ARSH: variants seen among roughly 807,000 people sequenced by gnomAD.
ARSH encodes arylsulfatase family member H.
ARSH carries 32 observed loss-of-function variants against 28.7 expected under a neutral mutation model. The observed-to-expected ratio is 1.11, with a 90% CI of 0.84 to 1.50. The LOEUF (loss-of-function observed/expected upper bound fraction) is 1.50, where lower values mean the gene tolerates loss of function less well. Ranked by LOEUF, ARSH falls within the 40% of genes most tolerant of loss-of-function variation. The probability of loss-of-function intolerance (pLI) is 0.00; values close to 1 mark genes in which losing one functional copy is unlikely to be tolerated. For missense variants in ARSH, 440 were observed against 452.4 expected (o/e 0.97, Z 0.25); for synonymous variants, 176 against 177.3 (o/e 0.99, Z 0.06).
intron 7 of ARSH, among the ~76,000 whole-genome samples, chrX:3,027,926 AC>A (rs2089903371): frequency 1.8e-5 from 2 of 110,098 alleles, no homozygotes; most frequent in Non-Finnish European, 1.9e-5. Flanking sequence ...ACATGGTGAA[AC>A]CCCCATCTCT....
intron 4 of ARSH, 129 bp from the exon 5 acceptor site, chrX:3,018,405 G>A (rs2089871678): frequency 1.7e-6 from 1 of 585,902 alleles, no homozygotes; most frequent in African/African-American, 2.3e-5. Context: ...GAGTGGTATT[G>A]TCATCTAAAG....
At chrX:3,026,258 C>A (rs5982985) in intron 6 of ARSH, among the ~76,000 whole-genome samples, 1 of 110,234 alleles carries the variant, frequency 9.1e-6, no homozygotes, top group Non-Finnish European at 1.9e-5. Flanking sequence ...GCTATGATTG[C>A]GCCACTGCAC....
Position 3,018,688 on chromosome X carries a change from G to A in ARSH, c.901+18G>A, listed in dbSNP as rs768492345. On this transcript the variant is annotated intron_variant, in intron 5 of 8. Coordinates refer to ENST00000381130, the MANE Select transcript of ARSH (RefSeq NM_001011719.2). ...GATGGTGGGTAAGTATTCAGTAACAGAACTGTAAATATCTGAAGTACGGGC... is the reference window on the plus strand; with the variant it reads ...GATGGTGGGTAAGTATTCAGTAACAAAACTGTAAATATCTGAAGTACGGGC... 8.3e-7 allele frequency: 1 copy of A among 1,205,731 alleles called. No individual in the cohort carries two copies. The highest frequency in any genetic ancestry group is 1.8e-5 in the South Asian group (1 of 56,330).
chrX:3,016,565 C>G (rs1474143038), intron 4 of ARSH, among the ~76,000 whole-genome samples: 1 of 110,287 alleles, frequency 9.1e-6, no homozygotes, highest in African/African-American at 3.3e-5. Flanking sequence ...CAGCTCACTC[C>G]TACGTTACAA....
At chrX:3,032,239 T>C (rs1240733798) in intron 8 of ARSH, among the ~76,000 whole-genome samples, 1 of 110,232 alleles carries the variant, frequency 9.1e-6, no homozygotes, top group African/African-American at 3.3e-5. Flanking sequence ...AGCTGAGATG[T>C]TGCCACTGCA....
intron 1 of ARSH, among the ~76,000 whole-genome samples, chrX:3,007,247 TAAAA>T (rs60947162): frequency 9.8e-5 from 9 of 92,291 alleles, no homozygotes; most frequent in African/African-American, 3.2e-4. Flanking sequence ...AGACTCTGTT[TAAAA>T]AAAAAAAAAA....
chrX:3,026,667 G>A (rs2089899531), intron 6 of ARSH, among the ~76,000 whole-genome samples: 1 of 111,267 alleles, frequency 9.0e-6, no homozygotes, highest in South Asian at 3.8e-4. Flanking sequence ...TTTGTTTTGT[G>A]CTCAGAAACA....
chrX:3,014,537 G>A (rs746154190), intron 3 of ARSH, among the ~76,000 whole-genome samples: 5 of 111,058 alleles, frequency 4.5e-5, no homozygotes, highest in Middle Eastern at 4.6e-3. Context: ...TAAGAGGGTC[G>A]GAAGGCACTG....
At chrX:3,028,414 T>A in intron 7 of ARSH, among the ~76,000 whole-genome samples, 1 of 108,990 alleles carries the variant, frequency 9.2e-6, no homozygotes, top group East Asian at 3.0e-4. Context: ...TTTCAGCATG[T>A]TGGCCAGGAT....
At chrX:3,012,264 A>G (rs1276592149) in intron 2 of ARSH, among the ~76,000 whole-genome samples, 4 of 108,436 alleles carry the variant, frequency 3.7e-5, no homozygotes, top group Non-Finnish European at 7.6e-5. Context: ...GAGGCCAGGC[A>G]CGGTGGCTCA....
At chrX:3,008,706 C>A (rs2147451131) in intron 1 of ARSH, among the ~76,000 whole-genome samples, 1 of 103,457 alleles carries the variant, frequency 9.7e-6, no homozygotes, top group South Asian at 4.7e-4. Flanking sequence ...TGAGCCCCCA[C>A]ACCTGCCTAA....
rs200556440 is a variant in ARSH at position 3,029,252 on chromosome X, T to C, written c.1205T>C (p.Ile402Thr). The C allele has an allele frequency of 1.7e-6, 2 of 1,210,177 alleles. No individual in the cohort carries two copies. The highest frequency in any genetic ancestry group is 1.1e-6 in the Non-Finnish European group (1 of 894,947). The change falls in exon 8 of 9, where the codon ATT becomes ACT. Residue 402 changes from isoleucine (I) to threonine (T), a missense_variant. Coordinates refer to ENST00000381130, the MANE Select transcript of ARSH (RefSeq NM_001011719.2). Reference sequence around the variant, plus strand: ...ACACCCCCTTCTCTCCCAAGAGTGATTGACGGCCAGAACCTAATGCCCCTG... The same window carrying C: ...ACACCCCCTTCTCTCCCAAGAGTGACTGACGGCCAGAACCTAATGCCCCTG... ...GGGILSQDRV[I>T]DGQNLMPLLE...
chrX:3,030,864 T>C (rs2089911980), intron 8 of ARSH, among the ~76,000 whole-genome samples: 1 of 110,972 alleles, frequency 9.0e-6, no homozygotes, highest in Non-Finnish European at 1.9e-5. Flanking sequence ...GCTGTCAAAA[T>C]ACTAGCCTGG....
At position 3,033,342 on chromosome X, in the gene ARSH, G is replaced by A. The variant is rs1335711798; in HGVS notation, c.1646G>A (p.Cys549Tyr). ...CCTTGCTGTGGGACCTTCCCCTTCT[G>A]TGGGTGTGACAAGGAAGATGACATC... The part of the protein sequence containing the change: ...LQPCCGTFPF[C>Y]GCDKEDDILP... Residue 549 changes from cysteine (C) to tyrosine (Y), a missense_variant, in exon 9 of 9, where the codon TGT becomes TAT. Coordinates refer to ENST00000381130, the MANE Select transcript of ARSH (RefSeq NM_001011719.2). The A allele has an allele frequency of 1.7e-6, 2 of 1,208,048 alleles. No individual in the cohort carries two copies. The highest frequency in any genetic ancestry group is 4.4e-5 in the Admixed American group (2 of 45,722).
Position 3,033,085 on chromosome X carries a change from T to C in ARSH, c.1389T>C (p.Tyr463=), listed in dbSNP as rs2089919052. 1.7e-6 allele frequency: 2 copies of C among 1,211,476 alleles called. No individual in the cohort carries two copies. The highest frequency in any genetic ancestry group is 2.2e-6 in the Non-Finnish European group (2 of 895,375). ...ACCCTGAAGGAACAGGTGCCTGCTA[T>C]GGGAGTGGAATATGTTCATGTTCGG... The part of the protein sequence containing the change: ...KFYPEGTGAC[Y]GSGICSCSGD... Residue 463 remains tyrosine, a synonymous_variant, in exon 9 of 9, where the codon TAT becomes TAC. Coordinates refer to ENST00000381130, the MANE Select transcript of ARSH (RefSeq NM_001011719.2).
chrX:3,027,899 C>G lies in ARSH; in HGVS notation c.1199+424C>G, dbSNP rs1057329908. On this transcript the variant is annotated intron_variant, in intron 7 of 8. Coordinates refer to ENST00000381130, the MANE Select transcript of ARSH (RefSeq NM_001011719.2). Reference sequence around the variant, plus strand: ...GGCGGATCACTTGAAGTCAGGAGTTCGAGACCAGCCTGGCCAACATGGTGA... The same window carrying G: ...GGCGGATCACTTGAAGTCAGGAGTTGGAGACCAGCCTGGCCAACATGGTGA... Among the ~76,000 whole-genome samples the G allele has an allele frequency of 6.5e-4, 72 of 111,029 alleles. 2 individuals carry two copies. The highest frequency in any genetic ancestry group is 2.3e-3 in the African/African-American group (69 of 30,533).
At chrX:3,020,588 CAA>C (rs759581189) in intron 5 of ARSH, among the ~76,000 whole-genome samples, 30 of 44,334 alleles carry the variant, frequency 6.8e-4, no homozygotes, top group African/African-American at 2.0e-3. Flanking sequence ...GACTCAGTCT[CAA>C]AAAAAAAAAA....
chrX:3,006,616 A>G lies in ARSH; in HGVS notation c.4A>G (p.Thr2Ala), dbSNP rs2089827842. Residue 2 changes from threonine to alanine, a missense_variant, in exon 1 of 9, where the codon ACA becomes GCA. Thr to Ala is a moderately conservative substitution (Grantham distance 58). Transcript: ENST00000381130. The part of the protein sequence containing the change: M[T>A]RNARPNIVLL... ...TTGCGGTGTTGATGGCACATTTATG[A>G]CAAGAAACGCCAGACCCAACATTGT... The G allele has an allele frequency of 5.0e-6, 6 of 1,210,195 alleles. No homozygotes were observed. The African/African-American group carries it at 5.2e-5, about 10-fold the overall frequency.
Position 3,015,306 on chromosome X carries a change from T to C in ARSH, c.677T>C (p.Met226Thr). The change falls in exon 4 of 9, where the codon ATG becomes ACG. Residue 226 changes from methionine to threonine, a missense_variant. By Grantham distance (81) the Met-to-Thr change is moderately conservative (BLOSUM62 -1). Coordinates refer to ENST00000381130, the MANE Select transcript of ARSH (RefSeq NM_001011719.2). ...GFTRRWNCIL[M>T]RNHEIIQQPM... The stretch of plus-strand genomic sequence containing the variant: ...ACTCGACGTTGGAATTGCATCCTTA[T>C]GAGGAACCATGAAATTATCCAGCAG... 2.5e-6 allele frequency: 3 copies of C among 1,211,668 alleles called. No individual in the cohort carries two copies. The African/African-American group carries it at 5.2e-5, about 21-fold the overall frequency.
Sources: allele counts gnomAD v4.1 joint callset (sites outside exome capture counted in the v4.1 genomes callset), GRCh38; gene constraint gnomAD v4.1.1; transcripts MANE v1.5; gene names NCBI Gene and HGNC (gene_info 2026-07-23, HGNC 2026-07-21).